Variants in LAMA1 observed in about 807,000 individuals in gnomAD.
The protein encoded by LAMA1 is laminin subunit alpha 1, also known as laminin subunit alpha-1.
A neutral mutation model predicts 348.7 loss-of-function variants in LAMA1; 219 were observed. That is an observed-to-expected ratio of 0.63 (90% CI 0.56 to 0.70). The LOEUF (loss-of-function observed/expected upper bound fraction) is 0.70. Ranked by LOEUF, LAMA1 falls within the 30% of genes least tolerant of loss-of-function variation. The pLI is 0.00. For missense variants in LAMA1, 3,744 were observed against 3,888.0 expected, an observed-to-expected ratio of 0.96 and a Z score of 0.99; for synonymous variants, 1,487 against 1,491.0, an observed-to-expected ratio of 1.00 and a Z score of 0.06.
At chr18:7,005,661 T>C (rs376454031) in intron 29 of LAMA1, among the ~76,000 whole-genome samples, 52 of 152,274 alleles carry the variant, frequency 3.4e-4, no homozygotes, top group African/African-American at 1.0e-3. Flanking sequence ...AGCAGGAGAA[T>C]TGCTTGAAGC....
chr18:6,949,258 A>G lies in LAMA1; in HGVS notation c.8399T>C (p.Val2800Ala). ...ALLSDGKWHT[V>A]KTDYVKRKGF... ...TTTTCTTTTAACATAGTCTGTCTTG[A>G]CCTACAGCAAAGTGAAAACATGCAT... Residue 2800 changes from valine (V) to alanine (A), a missense_variant and splice_region_variant, in exon 59 of 63, where the codon GTC (valine) becomes GCC (alanine). Val to Ala is a moderately conservative substitution (Grantham distance 64). Transcript: ENST00000389658. The G allele has an allele frequency of 6.2e-7, 1 of 1,614,138 alleles. No individual in the cohort carries two copies. The highest frequency in any genetic ancestry group is 8.5e-7 in the Non-Finnish European group (1 of 1,180,026).
chr18:6,988,528 A>G (rs1316411288), intron 36 of LAMA1, among the ~76,000 whole-genome samples: 1 of 152,198 alleles, frequency 6.6e-6, no homozygotes, highest in Non-Finnish European at 1.5e-5. Flanking sequence ...GGTCGGGCGC[A>G]GTGGCTCATG....
chr18:7,011,852 G>T (rs1230097914), intron 24 of LAMA1, 143 bp downstream of exon 24: 2 of 996,376 alleles, frequency 2.0e-6, no homozygotes, highest in East Asian at 2.6e-5. Context: ...TCTGATTCCT[G>T]TTCTAACCCA....
At chr18:7,050,340 C>G (rs1340996495) in intron 4 of LAMA1, among the ~76,000 whole-genome samples, 2 of 152,162 alleles carry the variant, frequency 1.3e-5, no homozygotes, top group East Asian at 1.9e-4. Context: ...TCACCACCTA[C>G]CGAGGAGAAC....
At chr18:6,980,721 C>G (rs141893436) in intron 41 of LAMA1, 84 bp from the exon 42 acceptor site, 2 of 757,034 alleles carry the variant, frequency 2.6e-6, no homozygotes, top group Admixed American at 3.8e-5. Flanking sequence ...TCTTGACCAT[C>G]GACAGAATTC....
intron 26 of LAMA1, 106 bp downstream of exon 26, chr18:7,010,094 A>C: frequency 1.5e-6 from 2 of 1,311,662 alleles, no homozygotes; most frequent in Non-Finnish European, 2.2e-6. Context: ...GGTGTGAGCC[A>C]CCGTACCTGG....
rs367787613 is a variant in LAMA1, at chr18:7,054,742, C to T, written c.346-3806G>A. 1.2e-4 allele frequency among the ~76,000 whole-genome samples: 18 copies of T among 152,134 alleles called. No homozygotes were observed. In the East Asian group the frequency reaches 3.5e-3, roughly 29 times the overall value. ...CACCCCTGAGACAGCAAAACCAACCCCTCTTCCTCCTCCTCCTCAGCCTAC... is the reference window on the plus strand; with the variant it reads ...CACCCCTGAGACAGCAAAACCAACCTCTCTTCCTCCTCCTCCTCAGCCTAC... On this transcript the variant is annotated intron_variant, in intron 3 of 62. Coordinates refer to ENST00000389658, the MANE Select transcript of LAMA1 (RefSeq NM_005559.4).
rs1598294859 is a variant in LAMA1 at position 7,043,740 on chromosome 18, G to A, written c.977-335C>T. Among the ~76,000 whole-genome samples, 3 of 152,100 alleles carry A rather than the reference G, an allele frequency of 2.0e-5. No individual in the cohort carries two copies. The South Asian group carries it at 6.2e-4, about 32-fold the overall frequency. On this transcript the variant is annotated intron_variant, in intron 7 of 62. Coordinates refer to ENST00000389658, the MANE Select transcript of LAMA1 (RefSeq NM_005559.4). ...ACTAATAACCATCAAAATAACCGCC[G>A]ATAGGTGGTTGTTTAATAAATTATA...
intron 54 of LAMA1, 143 bp downstream of exon 54, chr18:6,959,198 G>T: frequency 9.6e-7 from 1 of 1,045,520 alleles, no homozygotes; most frequent in Non-Finnish European, 1.5e-6. Context: ...TCCCAGGAAA[G>T]AATCCTAGCA....
At chr18:7,088,139 G>T (rs1346918297) in intron 1 of LAMA1, among the ~76,000 whole-genome samples, 1 of 152,140 alleles carries the variant, frequency 6.6e-6, no homozygotes, top group Non-Finnish European at 1.5e-5. Context: ...ACAGTGAGAG[G>T]CCTAAAGGAA....
intron 1 of LAMA1, among the ~76,000 whole-genome samples, chr18:7,116,174 G>C (rs911578003): frequency 1.3e-5 from 2 of 152,200 alleles, no homozygotes; most frequent in African/African-American, 4.8e-5. Flanking sequence ...GCCAGGCCAA[G>C]TGCCGAGCCC....
In LAMA1 at chr18:6,981,027, C is replaced by T. The variant is rs375058699; in HGVS notation, c.5891-390G>A. On this transcript the variant is annotated intron_variant, in intron 41 of 62. Coordinates refer to ENST00000389658, the MANE Select transcript of LAMA1 (RefSeq NM_005559.4). ...CTGAGGCAGGAGAATGGCGTGAACC[C>T]GGGAGGTGGAACTTGCAGTGAGCTG... 4.6e-5 allele frequency among the ~76,000 whole-genome samples: 7 copies of T among 151,334 alleles called. No individual in the cohort carries two copies. In the East Asian group the frequency reaches 7.8e-4, roughly 17 times the overall value.
chr18:7,058,746 G>A, intron 3 of LAMA1, among the ~76,000 whole-genome samples: 1 of 152,174 alleles, frequency 6.6e-6, no homozygotes, highest in Non-Finnish European at 1.5e-5. Context: ...GGACATTAAT[G>A]TCTCTTGCTT....
At chr18:7,106,513 C>G (rs530139145) in intron 1 of LAMA1, among the ~76,000 whole-genome samples, 1 of 152,036 alleles carries the variant, frequency 6.6e-6, no homozygotes, top group Non-Finnish European at 1.5e-5. Context: ...GTGTGCACCA[C>G]CACTCCCAGC....
At position 6,959,481 on chromosome 18, in the gene LAMA1, G is replaced by A. The variant is rs1472719989; in HGVS notation, c.7638C>T (p.Ser2546=). The A allele has an allele frequency of 1.1e-5, 17 of 1,613,992 alleles. No homozygotes were observed. Among genetic ancestry groups the A allele is most frequent in the South Asian group, 5.5e-5 (5 of 91,080 alleles). The change falls in exon 54 of 63, where the codon TCC becomes TCT. Residue 2546 remains serine (S), a synonymous_variant. Coordinates refer to ENST00000389658, the MANE Select transcript of LAMA1 (RefSeq NM_005559.4). ...CAATGTTGCCTCCGATCAGCATGAC[G>A]GAAAAGAAGGGCTGGGGAGGTTGCA... ...DREEAHVPFF[S]VMLIGGNIEV...
intron 57 of LAMA1, among the ~76,000 whole-genome samples, chr18:6,953,381 CT>C (rs2057558954): frequency 1.3e-5 from 2 of 152,246 alleles, no homozygotes; most frequent in African/African-American, 4.8e-5. Context: ...TATAATTCTT[CT>C]ATTTTATTAT....
Position 6,965,662 on chromosome 18 carries a change from G to A in LAMA1, c.7051-230C>T, listed in dbSNP as rs2057630015. The A allele has an allele frequency of 7.3e-6, 4 of 550,936 alleles. No individual in the cohort carries two copies. The South Asian group carries it at 8.4e-5, about 12-fold the overall frequency. The allele number at this position is 550,936 out of a possible 1,614,324, so 34.1% of individuals were successfully genotyped here. On this transcript the variant is annotated intron_variant, in intron 49 of 62. Transcript: ENST00000389658. ...TGTTGTTACCAAAATCCACAATTCA[G>A]TAAGAGAAGTGGAATCTCCTCGTAT...
At chr18:7,062,036 C>T (rs748181282) in intron 3 of LAMA1, among the ~76,000 whole-genome samples, 4 of 152,214 alleles carry the variant, frequency 2.6e-5, no homozygotes, top group Non-Finnish European at 5.9e-5. Flanking sequence ...ACAAGGGACG[C>T]CCACTAACAA....
Position 7,015,595 on chromosome 18 carries a change from T to G in LAMA1, c.3126+127A>C, listed in dbSNP as rs2057883537. On this transcript the variant is annotated intron_variant, in intron 22 of 62. Transcript: ENST00000389658. ...GTGCCTGGCCCACATTGAGTTTTTT[T>G]TTTTTTTTTAAATTCACAAAGCTAT... 2.4e-6 allele frequency: 3 copies of G among 1,253,996 alleles called. No homozygotes were observed. The East Asian group carries it at 7.0e-5, about 29-fold the overall frequency. The allele number at this position is 1,253,996 out of a possible 1,614,324, so 77.7% of individuals were successfully genotyped here.
Sources: gnomAD v4.1 joint callset for allele counts (sites outside exome capture counted in the v4.1 genomes callset) on GRCh38, gnomAD v4.1.1 for gene constraint, MANE v1.5 for transcripts, NCBI Gene and HGNC (gene_info 2026-07-23, HGNC 2026-07-21) for gene names.